SCN3B: variants seen among roughly 807,000 people sequenced by gnomAD.
The protein encoded by SCN3B is sodium voltage-gated channel beta subunit 3, also known as sodium channel regulatory subunit beta-3.
A neutral mutation model predicts 25.4 loss-of-function variants in SCN3B; 11 were observed. The observed-to-expected ratio is 0.43, with a 90% confidence interval of 0.27 to 0.72. The LOEUF (loss-of-function observed/expected upper bound fraction) is 0.72. Ranked by LOEUF, SCN3B falls within the 30% of genes least tolerant of loss-of-function variation. The pLI, the probability that SCN3B is intolerant of heterozygous loss-of-function variation, is 0.18. For synonymous variants in SCN3B, 109 were observed against 110.7 expected (o/e 0.99, Z 0.09); for missense variants, 218 against 278.3 (o/e 0.78, Z 1.54).
intron 2 of SCN3B, 115 bp downstream of exon 2, chr11:123,653,632 C>T (rs1035824575): frequency 1.7e-6 from 2 of 1,206,768 alleles, no homozygotes; most frequent in Non-Finnish European, 2.5e-6. Context: ...CTGGCAGATA[C>T]GCACAGAGGC....
intron 4 of SCN3B, chr11:123,640,515 G>A (rs1236914683): frequency 2.1e-5 from 3 of 145,878 alleles, no homozygotes; most frequent in Non-Finnish European, 4.5e-5. Context: ...TGATGTCACA[G>A]AGGCAAAAAA....
At position 123,634,101 on chromosome 11, in the gene SCN3B, C is replaced by A; in HGVS notation, c.*22+20G>T. 6.3e-7 allele frequency: 1 copy of A among 1,587,536 alleles called. No individual in the cohort carries two copies. The highest frequency in any genetic ancestry group is 8.6e-7 in the Non-Finnish European group (1 of 1,156,194). ...CTGCCATCCACATCTGCCTTCCCCTCCCATGTTCCTGTAGGTCACCTCATG... is the reference window on the plus strand; with the variant it reads ...CTGCCATCCACATCTGCCTTCCCCTACCATGTTCCTGTAGGTCACCTCATG... On this transcript the variant is annotated intron_variant, in intron 6 of 6. Transcript: ENST00000299333.
At position 123,653,783 on chromosome 11, in the gene SCN3B, A is replaced by G. The variant is rs757705001; in HGVS notation, c.19T>C (p.Leu7=). ...AGCACGAGAGAAGCCAGGGGAAACA[A>G]TCTATTGAAGGCAGGCATCTTCTGG... The part of the protein sequence containing the change: MPAFNR[L]FPLASLVLIY... The change falls in exon 2 of 7, where the codon TTG becomes CTG. Residue 7 remains leucine (L), a synonymous_variant. Transcript: ENST00000299333. 4 of 1,614,224 alleles carry G rather than the reference A, an allele frequency of 2.5e-6. No homozygotes were observed. In the Middle Eastern group the frequency reaches 4.9e-4, roughly 200 times the overall value.
rs1200953452 is a variant in SCN3B, at chr11:123,631,833, AAAT to A, written c.*1963_*1965del. The A allele has an allele frequency of 6.6e-6, 1 of 152,134 alleles. No homozygotes were observed. The highest frequency in any genetic ancestry group is 2.4e-5 in the African/African-American group (1 of 41,428). The allele number at this position is 152,134 out of a possible 1,614,324, so 9.4% of individuals were successfully genotyped here. On this transcript the variant is annotated 3_prime_UTR_variant, in exon 7 of 7. Coordinates refer to ENST00000299333, the MANE Select transcript of SCN3B (RefSeq NM_001040151.2). ...GACAGAGTGAGAATCTGTCTCAAAA[AAAT>A]AATAATAAATAAATAAAAATTTAAA...
At chr11:123,645,309 G>A (rs1946466325) in intron 3 of SCN3B, among the ~76,000 whole-genome samples, 1 of 152,132 alleles carries the variant, frequency 6.6e-6, no homozygotes, top group Non-Finnish European at 1.5e-5. Flanking sequence ...AAAATGTGTG[G>A]TAGGGCGCCT....
At chr11:123,639,283 CA>C (rs1358897225) in intron 4 of SCN3B, 7 of 152,268 alleles carry the variant, frequency 4.6e-5, no homozygotes, top group African/African-American at 1.7e-4. Flanking sequence ...TGCAGTCTCG[CA>C]GTAGTTCTAG....
chr11:123,652,541 G>A (rs985056899), intron 2 of SCN3B, among the ~76,000 whole-genome samples: 6 of 152,312 alleles, frequency 3.9e-5, no homozygotes, highest in Middle Eastern at 3.4e-3. Flanking sequence ...GTCTGCCACC[G>A]TATAGGCAGG....
In SCN3B at chr11:123,645,485, G is replaced by A. The variant is rs1008399467; in HGVS notation, c.219+102C>T. 28 of 1,152,562 alleles carry A rather than the reference G, an allele frequency of 2.4e-5. No homozygotes were observed. In the African/African-American group the frequency reaches 4.2e-4, roughly 17 times the overall value. The allele number at this position is 1,152,562 out of a possible 1,614,324, so 71.4% of individuals were successfully genotyped here. ...GATCTGTCAGTGTTTGGAAGAGAAG[G>A]AGCCAGTGTTTGCTAGCTTGGCATC... On this transcript the variant is annotated intron_variant, in intron 3 of 6. Coordinates refer to ENST00000299333, the MANE Select transcript of SCN3B (RefSeq NM_001040151.2).
Position 123,633,091 on chromosome 11 carries a change from T to C in SCN3B, c.*708A>G, listed in dbSNP as rs1955690484. 1 of 152,228 alleles carries C rather than the reference T, an allele frequency of 6.6e-6. No homozygotes were observed. The highest frequency in any genetic ancestry group is 1.5e-5 in the Non-Finnish European group (1 of 68,048). The allele number at this position is 152,228 out of a possible 1,614,324, so 9.4% of individuals were successfully genotyped here. On this transcript the variant is annotated 3_prime_UTR_variant, in exon 7 of 7. Transcript: ENST00000299333. Reference sequence around the variant, plus strand: ...TGTCCAGAAACATGTTGCATGACTTTTTAAGAGCCACTTAAATTACCATTG... The same window carrying C: ...TGTCCAGAAACATGTTGCATGACTTCTTAAGAGCCACTTAAATTACCATTG...
At chr11:123,643,488 C>T (rs1397056316) in intron 3 of SCN3B, among the ~76,000 whole-genome samples, 1 of 152,246 alleles carries the variant, frequency 6.6e-6, no homozygotes, top group Non-Finnish European at 1.5e-5. Context: ...AATTCAATTT[C>T]TTAGAAGTTA....
At chr11:123,644,800 A>ATATATAT (rs1272015067) in intron 3 of SCN3B, among the ~76,000 whole-genome samples, 2 of 45,584 alleles carry the variant, frequency 4.4e-5, no homozygotes, top group Admixed American at 3.3e-4. Flanking sequence ...AGAGAGAGAG[A>ATATATAT]ATATATATAT....
chr11:123,642,663 C>A lies in SCN3B; in HGVS notation c.228G>T (p.Glu76Asp). The A allele has an allele frequency of 6.2e-7, 1 of 1,613,596 alleles. No homozygotes were observed. Among genetic ancestry groups the A allele is most frequent in the South Asian group, 1.1e-5 (1 of 91,070 alleles). The change falls in exon 4 of 7, where the codon GAG becomes GAT. Residue 76 changes from glutamate (E) to aspartate (D), a missense_variant. Coordinates refer to ENST00000299333, the MANE Select transcript of SCN3B (RefSeq NM_001040151.2). This position sits in a 1 kb window ranked among gnomAD's most constrained non-coding sequence, Gnocchi z 4.3. Reference protein sequence around the residue: ...PEGGKDFLIYEYRNGHQEVES... With the variant: ...PEGGKDFLIYDYRNGHQEVES... ...CCACCTCCTGGTGGCCATTCCGATA[C>A]TCGTAAATCTGCAGATAGAGGAGCA...
chr11:123,647,650 T>G (rs1955869303), intron 2 of SCN3B, among the ~76,000 whole-genome samples: 1 of 152,224 alleles, frequency 6.6e-6, no homozygotes, highest in Non-Finnish European at 1.5e-5. Flanking sequence ...GGTCAGCCTG[T>G]TCATCTCCTG....
chr11:123,643,092 C>T (rs551957871), intron 3 of SCN3B, among the ~76,000 whole-genome samples: 4 of 152,210 alleles, frequency 2.6e-5, no homozygotes, highest in Admixed American at 6.5e-5. Flanking sequence ...GTCCCAGAGC[C>T]GCTGGCAAGA....
chr11:123,644,764 G>T (rs543573782), intron 3 of SCN3B, among the ~76,000 whole-genome samples: 1 of 104,122 alleles, frequency 9.6e-6, no homozygotes, highest in Non-Finnish European at 1.9e-5. Context: ...GGGAGACCCC[G>T]TTGAGAGAGA....
chr11:123,642,084 A>T lies in SCN3B; in HGVS notation c.445+362T>A, dbSNP rs1955798497. Among the ~76,000 whole-genome samples, 1 of 152,126 alleles carries T rather than the reference A, an allele frequency of 6.6e-6. No homozygotes were observed. The highest frequency in any genetic ancestry group is 1.5e-5 in the Non-Finnish European group (1 of 68,004). On this transcript the variant is annotated intron_variant, in intron 4 of 6. Transcript: ENST00000299333. The surrounding 1 kb of genome is among the most constrained non-coding windows in gnomAD (Gnocchi z 4.3). ...GATGACTTCCGGGTAACCTCATGAG[A>T]TTTCTCTGAGCCCACTGAGTCAGGG...
chr11:123,634,474 C>G (rs1955705163), intron 5 of SCN3B, among the ~76,000 whole-genome samples: 1 of 152,362 alleles, frequency 6.6e-6, no homozygotes, highest in South Asian at 2.1e-4. Context: ...TTGGCCAAGG[C>G]TCATGCCTCT....
At chr11:123,652,751 C>G (rs1955941281) in intron 2 of SCN3B, among the ~76,000 whole-genome samples, 2 of 152,156 alleles carry the variant, frequency 1.3e-5, no homozygotes, top group Non-Finnish European at 2.9e-5. Context: ...GGCAGACATG[C>G]CCAGAACTAC....
At position 123,633,344 on chromosome 11, in the gene SCN3B, T is replaced by G. The variant is rs1296571039; in HGVS notation, c.*455A>C. On this transcript the variant is annotated 3_prime_UTR_variant, in exon 7 of 7. Transcript: ENST00000299333. ...ATCCAAGTTCATGACACACTTTTGC[T>G]TTAACCCGAACTAATCACTCCTGCT... is the stretch of plus-strand genomic sequence containing the variant. The G allele has an allele frequency of 2.6e-5, 4 of 152,308 alleles. No individual in the cohort carries two copies. Among genetic ancestry groups the G allele is most frequent in the Non-Finnish European group, 5.9e-5 (4 of 68,098 alleles). The allele number at this position is 152,308 out of a possible 1,614,324, so 9.4% of individuals were successfully genotyped here.
Sources: allele counts gnomAD v4.1 joint callset (sites outside exome capture counted in the v4.1 genomes callset), GRCh38; gene constraint gnomAD v4.1.1; non-coding constraint Gnocchi (gnomAD v3.1); transcripts MANE v1.5; gene names NCBI Gene and HGNC (gene_info 2026-07-23, HGNC 2026-07-21).